The following CYSTM1 variants were observed in gnomAD, a reference collection of about 807,000 sequenced individuals.
CYSTM1 encodes cysteine-rich transmembrane module-containing protein 1.
A neutral mutation model predicts 13.1 loss-of-function variants in CYSTM1; 4 were observed. That is an observed-to-expected ratio of 0.31 (90% confidence interval 0.15 to 0.70). The LOEUF is 0.70. Ranked by LOEUF, CYSTM1 falls within the 30% of genes least tolerant of loss-of-function variation. The pLI is 0.72. For missense variants in CYSTM1, 96 were observed against 121.6 expected (o/e 0.79, Z 0.99); for synonymous variants, 36 against 42.7 (o/e 0.84, Z 0.62).
intron 2 of CYSTM1, among the ~76,000 whole-genome samples, chr5:140,199,248 A>G (rs1023838880): frequency 6.6e-6 from 1 of 152,220 alleles, no homozygotes; most frequent in African/African-American, 2.4e-5. Flanking sequence ...GCTATTGTGA[A>G]TAATGCTGCA....
intron 2 of CYSTM1, among the ~76,000 whole-genome samples, chr5:140,206,019 T>G (rs529579013): frequency 6.6e-6 from 1 of 152,324 alleles, no homozygotes; most frequent in African/African-American, 2.4e-5. Flanking sequence ...CAAGTCCCTT[T>G]GTGAGCGGGC....
At chr5:140,210,486 TAG>T (rs1764352448) in intron 2 of CYSTM1, among the ~76,000 whole-genome samples, 2 of 151,896 alleles carry the variant, frequency 1.3e-5, no homozygotes, top group Admixed American at 1.3e-4. Flanking sequence ...ACCACTGCCA[TAG>T]AGTCTTAATT....
rs370235129 is a variant in CYSTM1 at position 140,243,247 on chromosome 5, T to G, written c.188-58T>G. On this transcript the variant is annotated intron_variant, in intron 2 of 2. Transcript: ENST00000261811. ...TCCTGTGGTCCTGGGAGGCTAACTT[T>G]GCAGGGCCTGGGGTTTGCACCAGTC... 2.5e-5 allele frequency: 37 copies of G among 1,479,456 alleles called. No individual in the cohort carries two copies. The Middle Eastern group carries it at 6.9e-4, about 28-fold the overall frequency. The allele number at this position is 1,479,456 out of a possible 1,614,324, so 91.6% of individuals were successfully genotyped here. A position where few individuals can be genotyped will look rare whatever the true frequency, so the allele number is the denominator to read the frequency against.
chr5:140,185,547 G>T (rs1764006625), intron 1 of CYSTM1, among the ~76,000 whole-genome samples: 1 of 152,188 alleles, frequency 6.6e-6, no homozygotes, highest in Admixed American at 6.5e-5. Flanking sequence ...GTCCCTAAAA[G>T]AAGAGCAATT....
At chr5:140,228,489 G>T (rs1764586103) in intron 2 of CYSTM1, among the ~76,000 whole-genome samples, 1 of 152,208 alleles carries the variant, frequency 6.6e-6, no homozygotes, top group South Asian at 2.1e-4. Context: ...TGGTCAGCTT[G>T]GAGGAGAGGT....
At chr5:140,200,335 A>G (rs891061055) in intron 2 of CYSTM1, 2 of 152,192 alleles carry the variant, frequency 1.3e-5, no homozygotes, top group African/African-American at 4.8e-5. Flanking sequence ...AGTTTTCTGC[A>G]CATGGCTAGC....
chr5:140,180,969 G>A (rs554561888), intron 1 of CYSTM1, among the ~76,000 whole-genome samples: 7 of 152,268 alleles, frequency 4.6e-5, no homozygotes, highest in African/African-American at 1.7e-4. Flanking sequence ...AGTCTCAAGA[G>A]CATTGGCTCA....
At chr5:140,236,508 A>G (rs1581074521) in intron 2 of CYSTM1, among the ~76,000 whole-genome samples, 1 of 152,372 alleles carries the variant, frequency 6.6e-6, no homozygotes, top group South Asian at 2.1e-4. Flanking sequence ...AATGTACTAT[A>G]TGATCTCACT....
rs757513118 is a variant in CYSTM1 at position 140,243,461 on chromosome 5, C to G, written c.*50C>G. The stretch of plus-strand genomic sequence containing the variant: ...CTGCCAGCTCTGCTGCCACCTCTGA[C>G]AGGTGTGCCTGCCCCCATCTCTTCT... On this transcript the variant is annotated 3_prime_UTR_variant, in exon 3 of 3. Coordinates refer to ENST00000261811, the MANE Select transcript of CYSTM1 (RefSeq NM_032412.4). The G allele has an allele frequency of 6.6e-7, 1 of 1,519,460 alleles. No individual in the cohort carries two copies. Among genetic ancestry groups the G allele is most frequent in the Admixed American group, 1.7e-5 (1 of 57,906 alleles). 94.1% of individuals were successfully genotyped at this position (1,519,460 alleles called of 1,614,324 possible).
At chr5:140,215,479 G>C (rs1488342899) in intron 2 of CYSTM1, among the ~76,000 whole-genome samples, 1 of 144,836 alleles carries the variant, frequency 6.9e-6, no homozygotes, top group Non-Finnish European at 1.5e-5. Context: ...TGCAGTTCCT[G>C]TTCCTGGGTT....
chr5:140,228,836 A>T, intron 2 of CYSTM1: 1 of 399,000 alleles, frequency 2.5e-6, no homozygotes, highest in Non-Finnish European at 4.4e-6. Flanking sequence ...ACTTGAACTG[A>T]GCAGCTAAGA....
At chr5:140,179,591 G>A (rs944517773) in intron 1 of CYSTM1, among the ~76,000 whole-genome samples, 1 of 151,894 alleles carries the variant, frequency 6.6e-6, no homozygotes, top group Non-Finnish European at 1.5e-5. Context: ...GAAGCCTGAG[G>A]CTAACTAAAT....
chr5:140,179,010 G>A (rs946051664), intron 1 of CYSTM1, among the ~76,000 whole-genome samples: 1 of 152,058 alleles, frequency 6.6e-6, no homozygotes, highest in East Asian at 1.9e-4. Flanking sequence ...GGTAATCCTA[G>A]CACTTTGGGA....
Position 140,230,245 on chromosome 5 carries a change from G to T in CYSTM1, c.188-13060G>T, listed in dbSNP as rs1367222624. Among the ~76,000 whole-genome samples, 2 of 152,142 alleles carry T rather than the reference G, an allele frequency of 1.3e-5. No individual in the cohort carries two copies. The highest frequency in any genetic ancestry group is 2.9e-5 in the Non-Finnish European group (2 of 68,020). On this transcript the variant is annotated intron_variant, in intron 2 of 2. Coordinates refer to ENST00000261811, the MANE Select transcript of CYSTM1 (RefSeq NM_032412.4). This position sits in a 1 kb window ranked among gnomAD's most constrained non-coding sequence, Gnocchi z 4.1. ...TTTTTCCATCTTGGTAGTTCCAGCT[G>T]CATGTATTAATTAGATCATCCTGTT...
chr5:140,241,005 A>G (rs778443794), intron 2 of CYSTM1, among the ~76,000 whole-genome samples: 1 of 152,042 alleles, frequency 6.6e-6, no homozygotes, highest in Admixed American at 6.6e-5. Flanking sequence ...TGGGCACTCA[A>G]CGCCCCTGTC....
intron 1 of CYSTM1, among the ~76,000 whole-genome samples, chr5:140,178,669 C>T (rs961814076): frequency 1.3e-4 from 20 of 151,738 alleles, no homozygotes; most frequent in African/African-American, 4.8e-4. Flanking sequence ...GGTGTAATCG[C>T]AGCTCACTGC....
intron 2 of CYSTM1, among the ~76,000 whole-genome samples, chr5:140,195,575 A>G (rs1340854337): frequency 3.3e-5 from 5 of 150,822 alleles, no homozygotes. Context: ...CTGAGTAACT[A>G]GGACTACAGG....
intron 2 of CYSTM1, among the ~76,000 whole-genome samples, chr5:140,227,207 A>G (rs1161859047): frequency 1.3e-5 from 2 of 152,164 alleles, no homozygotes; most frequent in African/African-American, 2.4e-5. Context: ...CCAAACCCCA[A>G]GAGAAGAGGC....
intron 2 of CYSTM1, among the ~76,000 whole-genome samples, chr5:140,233,258 A>G (rs1345569252): frequency 6.6e-6 from 1 of 152,136 alleles, no homozygotes; most frequent in East Asian, 1.9e-4. Flanking sequence ...TTTGCCCTGG[A>G]ATGTCATTCC....
Sources: gnomAD v4.1 joint callset for allele counts (sites outside exome capture counted in the v4.1 genomes callset) on GRCh38, gnomAD v4.1.1 for gene constraint, Gnocchi (gnomAD v3.1) non-coding constraint, MANE v1.5 for transcripts, NCBI Gene and HGNC (gene_info 2026-07-23, HGNC 2026-07-21) for gene names.